PPP4R3B: variants seen among roughly 807,000 people sequenced by gnomAD.
PPP4R3B encodes the protein serine/threonine-protein phosphatase 4 regulatory subunit 3B.
Under a neutral mutation model 95.4 loss-of-function variants are expected in PPP4R3B, and 52 were observed. The ratio of observed to expected loss-of-function variants is 0.54; its 90% CI spans 0.44 to 0.69. The LOEUF is 0.69. Among genes scored for constraint, PPP4R3B ranks in the 30% least tolerant of loss-of-function variants. The probability of loss-of-function intolerance (pLI) is 0.00; values close to 1 mark genes in which losing one functional copy is unlikely to be tolerated. For missense variants in PPP4R3B, 1,003 were observed against 1,005.9 expected (o/e 1.00, Z 0.04); for synonymous variants, 407 against 343.9 (o/e 1.18, Z -2.03).
At chr2:55,607,935 G>C (rs1693643577) in intron 2 of PPP4R3B, among the ~76,000 whole-genome samples, 1 of 152,184 alleles carries the variant, frequency 6.6e-6, no homozygotes, top group Non-Finnish European at 1.5e-5. Flanking sequence ...GGTAAACATT[G>C]AAAGAGAAGG....
intron 5 of PPP4R3B, among the ~76,000 whole-genome samples, chr2:55,587,899 C>T (rs1289217641): frequency 6.6e-6 from 1 of 152,096 alleles, no homozygotes; most frequent in Non-Finnish European, 1.5e-5. Context: ...TTAAATTAGC[C>T]ATCTTTCATT....
intron 5 of PPP4R3B, among the ~76,000 whole-genome samples, chr2:55,588,446 G>C (rs929942418): frequency 6.6e-6 from 1 of 151,198 alleles, no homozygotes; most frequent in African/African-American, 2.4e-5. Context: ...CTGGGAGGCA[G>C]AGGTTGTGGT....
At position 55,579,788 on chromosome 2, in the gene PPP4R3B, CAT is replaced by C. The variant is rs35257458; in HGVS notation, c.1366-9_1366-8del. ...ATTCACTTTTTTCGGTTTTCTGAAACATAGAATTTTTTAAACAATACTGTTAC... is the reference window on the plus strand; with the variant it reads ...ATTCACTTTTTTCGGTTTTCTGAAACAGAATTTTTTAAACAATACTGTTAC... On this transcript the variant is annotated splice_region_variant and splice_polypyrimidine_tract_variant and intron_variant, in intron 8 of 16. Transcript: ENST00000616407. 329,166 of 1,569,874 alleles carry C rather than the reference CAT, an allele frequency of 0.21. 35,834 individuals are homozygous for C. Among genetic ancestry groups the C allele is most frequent in the East Asian group, 0.3 (13,286 of 44,414 alleles).
chr2:55,578,248 T>C lies in PPP4R3B; in HGVS notation c.1563A>G (p.Gln521=). ...TGATACACTCCAAATTCAGCATACC[T>C]TGAGAGATGGAGGAAGAGGGGGTAG... ...SHSTPSSSIS[Q]DNIVGSNKNN... Residue 521 remains glutamine (Q), a splice_region_variant and synonymous_variant, in exon 10 of 17, where the codon CAA becomes CAG. Transcript: ENST00000616407. The C allele has an allele frequency of 1.4e-6, 2 of 1,452,842 alleles. No homozygotes were observed. Among genetic ancestry groups the C allele is most frequent in the Non-Finnish European group, 1.8e-6 (2 of 1,098,414 alleles). 90.0% of individuals were successfully genotyped at this position (1,452,842 alleles called of 1,614,324 possible). A position where few individuals can be genotyped will look rare whatever the true frequency, so the allele number is the denominator to read the frequency against.
chr2:55,570,752 A>G (rs968503511), intron 12 of PPP4R3B, among the ~76,000 whole-genome samples: 5 of 152,216 alleles, frequency 3.3e-5, no homozygotes, highest in South Asian at 2.1e-4. Flanking sequence ...AGAATAAAAC[A>G]GAAATAGGCC....
intron 2 of PPP4R3B, among the ~76,000 whole-genome samples, chr2:55,611,708 T>C (rs1389483537): frequency 6.6e-6 from 1 of 152,224 alleles, no homozygotes; most frequent in Non-Finnish European, 1.5e-5. Context: ...AGAAGAATGT[T>C]AAACATTCCC....
chr2:55,558,915 A>C lies in PPP4R3B; in HGVS notation c.2314T>G (p.Phe772Val). The change falls in exon 16 of 17, where the codon TTC (phenylalanine) becomes GTC (valine). Residue 772 changes from phenylalanine (F) to valine (V), a missense_variant. This residue lies in a region of PPP4R3B where 229 missense variants were observed against 194.7 expected (regional missense o/e 1.18). Coordinates refer to ENST00000616407, the MANE Select transcript of PPP4R3B (RefSeq NM_001122964.3). The stretch of plus-strand genomic sequence containing the variant: ...GCAGAGTGGGAGAAAGTAAATTTGA[A>C]GCCACCAGGAGATGTCCTTTTGGGA... ...NLPKRTSPGG[F>V]KFTFSHSASA... The C allele has an allele frequency of 6.2e-7, 1 of 1,613,730 alleles. No homozygotes were observed. The highest frequency in any genetic ancestry group is 1.7e-5 in the Admixed American group (1 of 59,972).
At chr2:55,592,553 A>G (rs940824870) in intron 4 of PPP4R3B, among the ~76,000 whole-genome samples, 2 of 152,216 alleles carry the variant, frequency 1.3e-5, no homozygotes, top group Non-Finnish European at 2.9e-5. Context: ...AAGATTTTAC[A>G]TACTTAATCT....
chr2:55,609,196 G>C (rs1693833280), intron 2 of PPP4R3B, among the ~76,000 whole-genome samples: 1 of 151,888 alleles, frequency 6.6e-6, no homozygotes, highest in Non-Finnish European at 1.5e-5. Flanking sequence ...TAAAAGGCTG[G>C]AGTGCAGTTG....
intron 15 of PPP4R3B, among the ~76,000 whole-genome samples, chr2:55,561,006 A>C (rs1238948711): frequency 1.3e-5 from 2 of 152,182 alleles, no homozygotes; most frequent in Non-Finnish European, 1.5e-5. Context: ...ATAAGTAACA[A>C]GGAGCCAAAT....
intron 4 of PPP4R3B, among the ~76,000 whole-genome samples, chr2:55,592,907 T>A (rs1293372101): frequency 6.6e-6 from 1 of 152,220 alleles, no homozygotes; most frequent in Non-Finnish European, 1.5e-5. Context: ...ATGCCTGTAA[T>A]CCCAGCACTT....
In PPP4R3B at chr2:55,564,460, C is replaced by T; in HGVS notation, c.2113G>A (p.Asp705Asn). 1 of 1,612,560 alleles carries T rather than the reference C, an allele frequency of 6.2e-7. No individual in the cohort carries two copies. The highest frequency in any genetic ancestry group is 8.5e-7 in the Non-Finnish European group (1 of 1,179,538). Residue 705 changes from aspartate to asparagine, a missense_variant, in exon 15 of 17, where the codon GAT (aspartate) becomes AAT (asparagine). Physicochemically the swap from Asp to Asn is conservative, Grantham distance 23 (BLOSUM62 1). This residue lies in a region of PPP4R3B where 229 missense variants were observed against 194.7 expected (regional missense o/e 1.18). Transcript: ENST00000616407. ...TCATCCTCTTCCAAGGCTTTTGCAT[C>T]TCTGCGAAATCTGTTACTACGCAAT... ...SILRSNRFRR[D>N]AKALEEDEEM...
intron 13 of PPP4R3B, among the ~76,000 whole-genome samples, chr2:55,565,310 G>GTATATATA (rs151277909): frequency 5.5e-5 from 8 of 145,102 alleles, no homozygotes; most frequent in African/African-American, 1.5e-4. Context: ...TCTATTTTTT[G>GTATATATA]TATATATATA....
chr2:55,585,019 A>T, intron 7 of PPP4R3B, 32 bp downstream of exon 7: 1 of 1,464,538 alleles, frequency 6.8e-7, no homozygotes, highest in Non-Finnish European at 9.5e-7. Flanking sequence ...CTCTACAGGT[A>T]ATTCACATAG....
chr2:55,574,994 G>A (rs1688477191), intron 11 of PPP4R3B, among the ~76,000 whole-genome samples: 1 of 140,770 alleles, frequency 7.1e-6, no homozygotes, highest in African/African-American at 2.7e-5. Flanking sequence ...CTGGAGTGCA[G>A]TGGTGCGATC....
chr2:55,596,312 C>T (rs1691770039), intron 4 of PPP4R3B, among the ~76,000 whole-genome samples: 1 of 150,368 alleles, frequency 6.7e-6, no homozygotes, highest in East Asian at 1.9e-4. Context: ...GAACTAACAT[C>T]AGAATTGTTT....
At chr2:55,582,820 A>G (rs998197056) in intron 7 of PPP4R3B, among the ~76,000 whole-genome samples, 3 of 152,176 alleles carry the variant, frequency 2.0e-5, no homozygotes, top group African/African-American at 7.2e-5. Context: ...AAATGAGAAA[A>G]CACCTAACAA....
intron 2 of PPP4R3B, among the ~76,000 whole-genome samples, chr2:55,613,526 T>G (rs1441465370): frequency 6.6e-6 from 1 of 152,174 alleles, no homozygotes; most frequent in Admixed American, 6.5e-5. Flanking sequence ...AGAACTAATT[T>G]TCTAGTAGAG....
chr2:55,590,631 T>C (rs1690879499), intron 4 of PPP4R3B, among the ~76,000 whole-genome samples: 2 of 152,364 alleles, frequency 1.3e-5, no homozygotes, highest in South Asian at 4.1e-4. Context: ...TTGGTGGTTT[T>C]AAGCTTCAGT....
Sources: gnomAD v4.1 joint callset for allele counts (sites outside exome capture counted in the v4.1 genomes callset) on GRCh38, gnomAD v4.1.1 for gene constraint, gnomAD v4.1.1 regional missense constraint, MANE v1.5 for transcripts, NCBI Gene and HGNC (gene_info 2026-07-23, HGNC 2026-07-21) for gene names.